SNTN: variants seen among roughly 807,000 people sequenced by gnomAD.
SNTN encodes the protein sentan, cilia apical structure protein.
SNTN carries 13 observed loss-of-function variants against 12.3 expected under a neutral mutation model. The ratio of observed to expected loss-of-function variants is 1.05; its 90% CI spans 0.69 to 1.67. The LOEUF (loss-of-function observed/expected upper bound fraction) is 1.67. SNTN is among the 40% of genes most tolerant of loss of function. The probability of loss-of-function intolerance (pLI) is 0.00; values close to 1 mark genes in which losing one functional copy is unlikely to be tolerated. For missense variants in SNTN, 189 were observed against 169.8 expected (o/e 1.11, Z -0.63); for synonymous variants, 69 against 58.5 (o/e 1.18, Z -0.82).
chr3:63,657,384 C>T (rs1014335823), intron 2 of SNTN, among the ~76,000 whole-genome samples: 2 of 152,092 alleles, frequency 1.3e-5, no homozygotes, highest in African/African-American at 4.8e-5. Context: ...TTACAATATG[C>T]TTTCACATAC....
chr3:63,658,290 T>G (rs374656294), intron 2 of SNTN, among the ~76,000 whole-genome samples: 8 of 152,000 alleles, frequency 5.3e-5, no homozygotes, highest in African/African-American at 1.9e-4. Context: ...AATATTAATC[T>G]ACTCACGGAG....
rs762104132 is a variant in SNTN, at chr3:63,654,798, T to C, written c.145+2T>C. On this transcript the variant is annotated splice_donor_variant, in intron 2 of 3. Transcript: ENST00000343837. LOFTEE classifies it high-confidence loss of function. ...CCAAACAACTGGCTTCAGTGAAAGG[T>C]AAGGCACAGATGACGCAGATGTACA... The C allele has an allele frequency of 2.2e-4, 349 of 1,612,786 alleles. No individual in the cohort carries two copies. The highest frequency in any genetic ancestry group is 2.8e-4 in the Non-Finnish European group (333 of 1,179,364).
intron 2 of SNTN, among the ~76,000 whole-genome samples, chr3:63,659,353 C>T (rs144256478): frequency 8.5e-5 from 13 of 152,260 alleles, no homozygotes; most frequent in Admixed American, 2.0e-4. Context: ...TCATTTTATT[C>T]GGTGATTCCT....
In SNTN at chr3:63,664,193, C is replaced by T; in HGVS notation, c.*98C>T. 1 of 1,209,182 alleles carries T rather than the reference C, an allele frequency of 8.3e-7. No homozygotes were observed. The allele number at this position is 1,209,182 out of a possible 1,614,324, so 74.9% of individuals were successfully genotyped here. A position where few individuals can be genotyped will look rare whatever the true frequency, so the allele number is the denominator to read the frequency against. On this transcript the variant is annotated 3_prime_UTR_variant, in exon 4 of 4. Coordinates refer to ENST00000343837, the MANE Select transcript of SNTN (RefSeq NM_001080537.2). ...TTAATTGAATATATCTATCATGCATCTGAAATTGCCTAGGATGGTTCTGAT... is the reference window on the plus strand; with the variant it reads ...TTAATTGAATATATCTATCATGCATTTGAAATTGCCTAGGATGGTTCTGAT...
At chr3:63,663,158 A>G (rs921309839) in intron 3 of SNTN, among the ~76,000 whole-genome samples, 1 of 152,184 alleles carries the variant, frequency 6.6e-6, no homozygotes, top group African/African-American at 2.4e-5. Context: ...TGTGTGTTCA[A>G]AAAAAGGCAG....
intron 1 of SNTN, among the ~76,000 whole-genome samples, chr3:63,654,239 G>A (rs1700651957): frequency 6.6e-6 from 1 of 152,162 alleles, no homozygotes; most frequent in South Asian, 2.1e-4. Flanking sequence ...TAGTTAGGAA[G>A]GCTAAGCTGC....
intron 3 of SNTN, among the ~76,000 whole-genome samples, chr3:63,662,413 AT>A (rs1429963423): frequency 3.3e-5 from 5 of 152,182 alleles, no homozygotes; most frequent in Non-Finnish European, 7.3e-5. Context: ...GTCAGATAGA[AT>A]TTTAAAAAGC....
At position 63,659,709 on chromosome 3, in the gene SNTN, A is replaced by G. The variant is rs1373885553; in HGVS notation, c.146-16A>G. ...TCTAACTCAGGATACTTTATTCCACATTTCTTCTCTCCTAGCTCTGAGGAA... is the reference window on the plus strand; with the variant it reads ...TCTAACTCAGGATACTTTATTCCACGTTTCTTCTCTCCTAGCTCTGAGGAA... On this transcript the variant is annotated splice_polypyrimidine_tract_variant and intron_variant, in intron 2 of 3. Transcript: ENST00000343837. The G allele has an allele frequency of 3.7e-6, 6 of 1,613,396 alleles. No homozygotes were observed. The Admixed American group carries it at 5.0e-5, about 13-fold the overall frequency.
At chr3:63,659,952 C>T (rs1213636868) in intron 3 of SNTN, 88 bp downstream of exon 3, 65 of 1,483,822 alleles carry the variant, frequency 4.4e-5, no homozygotes, top group Non-Finnish European at 5.7e-5. Context: ...AGGTCCCTGT[C>T]ATGTTGTCTC....
chr3:63,665,209 A>G lies in SNTN; in HGVS notation c.*1114A>G, dbSNP rs545692206. Among the ~76,000 whole-genome samples, 3 of 152,352 alleles carry G rather than the reference A, an allele frequency of 2.0e-5. No homozygotes were observed. Among genetic ancestry groups the G allele is most frequent in the African/African-American group, 7.2e-5 (3 of 41,584 alleles). ...ACCTAAATAAATCTGACTTAACAAAAAAATAAAACCCAGTATTCTTGTAAT... is the reference window on the plus strand; with the variant it reads ...ACCTAAATAAATCTGACTTAACAAAGAAATAAAACCCAGTATTCTTGTAAT... On this transcript the variant is annotated 3_prime_UTR_variant, in exon 4 of 4. Coordinates refer to ENST00000343837, the MANE Select transcript of SNTN (RefSeq NM_001080537.2).
intron 3 of SNTN, among the ~76,000 whole-genome samples, chr3:63,660,282 G>A (rs1234539288): frequency 2.0e-5 from 3 of 152,116 alleles, no homozygotes; most frequent in African/African-American, 7.2e-5. Context: ...TGGTGAGAAG[G>A]GATGGGACGG....
intron 3 of SNTN, among the ~76,000 whole-genome samples, chr3:63,661,050 G>A (rs952267725): frequency 1.3e-5 from 2 of 152,190 alleles, no homozygotes; most frequent in South Asian, 2.1e-4. Flanking sequence ...ATTTTTATAA[G>A]GACACCGTAT....
rs1044198371 is a variant in SNTN at position 63,657,936 on chromosome 3, C to A, written c.146-1789C>A. On this transcript the variant is annotated intron_variant, in intron 2 of 3. Coordinates refer to ENST00000343837, the MANE Select transcript of SNTN (RefSeq NM_001080537.2). ...GGCCCACACACTTCCTCCTTTCACC[C>A]ACTTGTCTTCACTCTTGTCCATCCT... Among the ~76,000 whole-genome samples, 11 of 152,174 alleles carry A rather than the reference C, an allele frequency of 7.2e-5. 1 individual carries two copies. Among genetic ancestry groups the A allele is most frequent in the African/African-American group, 2.7e-4 (11 of 41,448 alleles).
chr3:63,659,216 G>A (rs913573639), intron 2 of SNTN, among the ~76,000 whole-genome samples: 3 of 152,144 alleles, frequency 2.0e-5, no homozygotes, highest in Non-Finnish European at 1.5e-5. Flanking sequence ...TTTAGGCCAC[G>A]AGTCAAAGAG....
At chr3:63,655,054 C>T (rs10510909) in intron 2 of SNTN, among the ~76,000 whole-genome samples, 25,814 of 152,046 alleles carry the variant, frequency 0.17, 2,246 homozygotes, top group South Asian at 0.2. Flanking sequence ...CCTAATTCAG[C>T]GTTCTTCCCA....
At position 63,664,168 on chromosome 3, in the gene SNTN, T is replaced by A. The variant is rs1700776191; in HGVS notation, c.*73T>A. 1 of 1,388,676 alleles carries A rather than the reference T, an allele frequency of 7.2e-7. No homozygotes were observed. The highest frequency in any genetic ancestry group is 1.5e-5 in the South Asian group (1 of 68,260). The allele number at this position is 1,388,676 out of a possible 1,614,324, so 86.0% of individuals were successfully genotyped here. The stretch of plus-strand genomic sequence containing the variant: ...TAAAATGTTTCCATCTTATTTTTGA[T>A]TAATTGAATATATCTATCATGCATC... On this transcript the variant is annotated 3_prime_UTR_variant, in exon 4 of 4. Coordinates refer to ENST00000343837, the MANE Select transcript of SNTN (RefSeq NM_001080537.2).
At chr3:63,654,003 G>A (rs1439489919) in intron 1 of SNTN, among the ~76,000 whole-genome samples, 8 of 152,154 alleles carry the variant, frequency 5.3e-5, no homozygotes, top group Admixed American at 2.0e-4. Flanking sequence ...CATGGAACAC[G>A]CTTCCTCCTT....
chr3:63,656,964 C>T (rs1423364945), intron 2 of SNTN, among the ~76,000 whole-genome samples: 1 of 152,124 alleles, frequency 6.6e-6, no homozygotes, highest in African/African-American at 2.4e-5. Flanking sequence ...CATACCTCAT[C>T]GGACTGACAT....
chr3:63,652,823 T>C (rs113337211), intron 1 of SNTN, 26 bp downstream of exon 1: 101 of 1,591,234 alleles, frequency 6.3e-5, no homozygotes, highest in African/African-American at 3.8e-4. Context: ...CTGTCTTTTA[T>C]TGAGTTTCAT....
Sources: gnomAD v4.1 joint callset for allele counts (sites outside exome capture counted in the v4.1 genomes callset) on GRCh38, gnomAD v4.1.1 for gene constraint, MANE v1.5 for transcripts, NCBI Gene and HGNC (gene_info 2026-07-23, HGNC 2026-07-21) for gene names.